The following TGM2 variants were observed in gnomAD, a reference collection of about 807,000 sequenced individuals.
TGM2 encodes the protein transglutaminase 2, also known as protein-glutamine gamma-glutamyltransferase 2.
Under a neutral mutation model 75.6 loss-of-function variants are expected in TGM2, and 53 were observed. That is an observed-to-expected ratio of 0.70 (90% CI 0.56 to 0.88). The LOEUF (loss-of-function observed/expected upper bound fraction) is 0.88. TGM2 is among the 40% of genes least tolerant of loss of function. TGM2 has a pLI of 0.00. For missense variants in TGM2, 842 were observed against 928.5 expected (o/e 0.91, Z 1.21); for synonymous variants, 374 against 381.1 (o/e 0.98, Z 0.22).
At chr20:38,136,748 ATGGGGCTGCTGGGTGGTGG>A (rs1482648500) in intron 10 of TGM2, among the ~76,000 whole-genome samples, 1 of 149,698 alleles carries the variant, frequency 6.7e-6, no homozygotes, top group South Asian at 2.2e-4. Flanking sequence ...AGAAAGTGGG[ATGGGGCTGCTGGGTGGTGG>A]TGGGGCTGCT....
chr20:38,130,223 G>A lies in TGM2; in HGVS notation c.2060C>T (p.Ala687Val), dbSNP rs760412167. ...CAGGCTGGGAGCAGGGGTCCCTTAGGCGGGGCCAATGATGACATTCCGGAA... is the reference window on the plus strand; with the variant it reads ...CAGGCTGGGAGCAGGGGTCCCTTAGACGGGGCCAATGATGACATTCCGGAA... ...KGFRNVIIGP[A>V] is the part of the protein sequence containing the mutation. The change falls in exon 13 of 13, where the codon GCC becomes GTC. Residue 687 changes from alanine to valine, a missense_variant. Physicochemically the swap from Ala to Val is moderately conservative, Grantham distance 64 (BLOSUM62 0). Transcript: ENST00000361475. The A allele has an allele frequency of 2.4e-5, 39 of 1,613,290 alleles. No individual in the cohort carries two copies. The highest frequency in any genetic ancestry group is 3.1e-5 in the Non-Finnish European group (37 of 1,179,906).
rs1170110352 is a variant in TGM2, at chr20:38,146,888, A to C, written c.688T>G (p.Cys230Gly). 2 of 1,612,912 alleles carry C rather than the reference A, an allele frequency of 1.2e-6. No homozygotes were observed. Among genetic ancestry groups the C allele is most frequent in the Admixed American group, 3.3e-5 (2 of 60,024 alleles). ...AGCAGCACACCCTGGTCATCGTTGC[A>C]GTTGACCTGCAACCAGTGGGGCAGC... is the stretch of plus-strand genomic sequence containing the variant. ...VGRVVSGMVN[C>G]NDDQGVLLGR... The change falls in exon 6 of 13, where the codon TGC becomes GGC. Residue 230 changes from cysteine (C) to glycine (G), a missense_variant. Coordinates refer to ENST00000361475, the MANE Select transcript of TGM2 (RefSeq NM_004613.4).
At chr20:38,158,387 A>G (rs2075213516) in intron 2 of TGM2, among the ~76,000 whole-genome samples, 1 of 152,110 alleles carries the variant, frequency 6.6e-6, no homozygotes, top group African/African-American at 2.4e-5. Context: ...GACCAGAGGC[A>G]CCATGAGGGC....
chr20:38,135,643 C>T (rs537470143), intron 10 of TGM2, among the ~76,000 whole-genome samples: 2 of 152,196 alleles, frequency 1.3e-5, no homozygotes, highest in African/African-American at 4.8e-5. Flanking sequence ...CTGTCTCGGA[C>T]TCTCGGGGCC....
In TGM2 at chr20:38,127,393, C is replaced by T; in HGVS notation, c.*2826G>A. The T allele has an allele frequency of 3.0e-6, 3 of 984,676 alleles. No homozygotes were observed. The South Asian group carries it at 1.4e-4, about 46-fold the overall frequency. The allele number at this position is 984,676 out of a possible 1,614,324, so 61.0% of individuals were successfully genotyped here. On this transcript the variant is annotated 3_prime_UTR_variant, in exon 13 of 13. Coordinates refer to ENST00000361475, the MANE Select transcript of TGM2 (RefSeq NM_004613.4). ...ATTCGGCACCCAGAACACGTGATGTCATGTTTTTATTTTGATTTATTTTTT... is the reference window on the plus strand; with the variant it reads ...ATTCGGCACCCAGAACACGTGATGTTATGTTTTTATTTTGATTTATTTTTT...
chr20:38,164,329 C>T (rs913729747), intron 1 of TGM2, among the ~76,000 whole-genome samples: 4 of 152,202 alleles, frequency 2.6e-5, no homozygotes, highest in African/African-American at 9.7e-5. Context: ...GAAGCCATCC[C>T]CAGATGAACT....
intron 1 of TGM2, among the ~76,000 whole-genome samples, chr20:38,162,568 C>T (rs938883806): frequency 1.3e-5 from 2 of 152,032 alleles, no homozygotes; most frequent in Non-Finnish European, 2.9e-5. Context: ...AACTTAAACC[C>T]GTTGTGATGT....
chr20:38,148,510 C>T (rs965953121), intron 4 of TGM2, among the ~76,000 whole-genome samples: 1 of 152,198 alleles, frequency 6.6e-6, no homozygotes, highest in Non-Finnish European at 1.5e-5. Context: ...TGTCAGCCCC[C>T]TCGTCCCCCT....
At chr20:38,161,760 G>T (rs2075257455) in intron 1 of TGM2, among the ~76,000 whole-genome samples, 161 bp from the exon 2 acceptor site, 1 of 152,174 alleles carries the variant, frequency 6.6e-6, no homozygotes, top group Non-Finnish European at 1.5e-5. Flanking sequence ...GTCACACGGG[G>T]GCTAGGTGGG....
At chr20:38,165,391 G>T (rs571360122), upstream of TGM2, 2 of 754,774 alleles carry the variant, frequency 2.6e-6, no homozygotes, top group Non-Finnish European at 4.2e-6. Flanking sequence ...CACGCCGCCA[G>T]CGCTGGGGCT....
rs138957593 is a variant in TGM2 at position 38,139,570 on chromosome 20, G to A, written c.1184C>T (p.Ala395Val). The A allele has an allele frequency of 5.6e-6, 9 of 1,614,156 alleles. No individual in the cohort carries two copies. The highest frequency in any genetic ancestry group is 1.7e-5 in the Admixed American group (1 of 60,020). Residue 395 changes from alanine (A) to valine (V), a missense_variant, in exon 9 of 13, where the codon GCG (alanine) becomes GTG (valine). Transcript: ENST00000361475. Reference sequence around the variant, plus strand: ...GTCTACCACGTCGGCATTGACCTCCGCAAAGACAAAGGGCGCATCGTACTT... The same window carrying A: ...GTCTACCACGTCGGCATTGACCTCCACAAAGACAAAGGGCGCATCGTACTT... ...STKYDAPFVF[A>V]EVNADVVDWI... is the part of the protein sequence containing the mutation.
At chr20:38,158,285 AG>A (rs2075212017) in intron 2 of TGM2, among the ~76,000 whole-genome samples, 2 of 152,218 alleles carry the variant, frequency 1.3e-5, no homozygotes, top group African/African-American at 4.8e-5. Flanking sequence ...GGGGAACAGG[AG>A]AAGGACAGGC....
At chr20:38,165,652 A>G (rs554352643), upstream of TGM2, among the ~76,000 whole-genome samples, 20 of 150,552 alleles carry the variant, frequency 1.3e-4, no homozygotes, top group African/African-American at 4.7e-4. Flanking sequence ...TCTGGGATCA[A>G]GAACACCTCC....
At chr20:38,136,800 C>G (rs988758041) in intron 10 of TGM2, among the ~76,000 whole-genome samples, 3 of 152,148 alleles carry the variant, frequency 2.0e-5, no homozygotes, top group Non-Finnish European at 4.4e-5. Context: ...GGGCTTGATT[C>G]CTGGTCCCTC....
intron 7 of TGM2, among the ~76,000 whole-genome samples, 156 bp from the exon 8 acceptor site, chr20:38,141,541 C>T (rs939918951): frequency 6.6e-6 from 1 of 152,058 alleles, no homozygotes; most frequent in Non-Finnish European, 1.5e-5. Context: ...CTTCCCCCCA[C>T]GGGGGCCCAT....
chr20:38,140,221 C>T (rs564611689), intron 8 of TGM2, among the ~76,000 whole-genome samples: 21 of 152,348 alleles, frequency 1.4e-4, no homozygotes, highest in Non-Finnish European at 2.2e-4. Flanking sequence ...TGATAACCGC[C>T]CCACACTGTC....
chr20:38,149,692 A>AAAAAAAAAAAAAAAAAAAAAAAAAAAAAG (rs1555809515), intron 4 of TGM2, among the ~76,000 whole-genome samples: 1 of 147,144 alleles, frequency 6.8e-6, no homozygotes, highest in African/African-American at 2.6e-5. Flanking sequence ...AAAAAAAAAA[A>AAAAAAAAAAAAAAAAAAAAAAAAAAAAAG]AAAAAAAAAC....
At chr20:38,151,239 G>A (rs1046671871) in intron 3 of TGM2, among the ~76,000 whole-genome samples, 182 bp from the exon 4 acceptor site, 2 of 152,182 alleles carry the variant, frequency 1.3e-5, no homozygotes, top group African/African-American at 2.4e-5. Flanking sequence ...AGGTGTTATC[G>A]GTTAGTGACA....
At chr20:38,140,341 G>C (rs1466832599) in intron 8 of TGM2, among the ~76,000 whole-genome samples, 1 of 152,204 alleles carries the variant, frequency 6.6e-6, no homozygotes, top group Non-Finnish European at 1.5e-5. Flanking sequence ...AAAACTATCT[G>C]CTGGAGAAAT....
Sources: allele counts gnomAD v4.1 joint callset (sites outside exome capture counted in the v4.1 genomes callset), GRCh38; gene constraint gnomAD v4.1.1; transcripts MANE v1.5; gene names NCBI Gene and HGNC (gene_info 2026-07-23, HGNC 2026-07-21).